Variants in EYS observed in about 807,000 individuals in gnomAD.
The protein encoded by EYS is protein eyes shut homolog.
A neutral mutation model predicts 282.1 loss-of-function variants in EYS; 250 were observed. That is an observed-to-expected ratio of 0.89 (90% CI 0.80 to 0.98). EYS has a LOEUF of 0.98. Ranked by LOEUF, EYS falls within the 50% of genes least tolerant of loss-of-function variation. The probability of loss-of-function intolerance (pLI) is 0.00; values close to 1 mark genes in which losing one functional copy is unlikely to be tolerated. For missense variants in EYS, 4,016 were observed against 3,709.0 expected, an observed-to-expected ratio of 1.08 and a Z score of -2.15; for synonymous variants, 1,355 against 1,282.9, an observed-to-expected ratio of 1.06 and a Z score of -1.20.
chr6:64,512,305 A>C (rs74647395), intron 26 of EYS, among the ~76,000 whole-genome samples: 1,692 of 151,926 alleles, frequency 0.011, 34 homozygotes, highest in East Asian at 0.082. Flanking sequence ...CCAACAAATC[A>C]TGTTGAAAGA....
chr6:65,172,458 G>T (rs9453215), intron 12 of EYS, among the ~76,000 whole-genome samples: 1 of 151,232 alleles, frequency 6.6e-6, no homozygotes, highest in African/African-American at 2.4e-5. Context: ...TGGCCATTCT[G>T]CTTCCTGAAG....
At position 63,958,050 on chromosome 6, in the gene EYS, G is replaced by A. The variant is rs930071860; in HGVS notation, c.7055+26333C>T. Among the ~76,000 whole-genome samples the A allele has an allele frequency of 8.6e-5, 12 of 140,244 alleles. 1 individual carries two copies. Among genetic ancestry groups the A allele is most frequent in the East Asian group, 4.1e-4 (2 of 4,900 alleles). The allele number at this position is 140,244 out of a possible 152,430, so 92.0% of individuals were successfully genotyped here. ...ATTCAAGAACAAGAATTTTCAAGAC[G>A]TTTATAGATAGATGTTTATATAATC... On this transcript the variant is annotated intron_variant, in intron 35 of 42. Coordinates refer to ENST00000503581, the MANE Select transcript of EYS (RefSeq NM_001142800.2).
chr6:64,962,093 C>T (rs1177335264), intron 14 of EYS, among the ~76,000 whole-genome samples: 1 of 152,068 alleles, frequency 6.6e-6, no homozygotes, highest in Non-Finnish European at 1.5e-5. Context: ...TTTGTCACTA[C>T]TTCTTCAGCT....
intron 12 of EYS, among the ~76,000 whole-genome samples, chr6:65,277,790 G>A (rs1383249404): frequency 1.3e-5 from 2 of 152,174 alleles, no homozygotes; most frequent in Non-Finnish European, 1.5e-5. Flanking sequence ...GATGTATCAA[G>A]TTAGGAGATT....
At chr6:64,253,827 TC>T (rs66665591) in intron 30 of EYS, among the ~76,000 whole-genome samples, 47,382 of 151,764 alleles carry the variant, frequency 0.31, 7,404 homozygotes, top group East Asian at 0.51. Context: ...ATTCATCTTT[TC>T]TTCCCCCCAA....
chr6:64,196,745 G>GGGGTGGAGGGA lies in EYS; in HGVS notation c.6424+33836_6424+33846dup, dbSNP rs1166513906. Among the ~76,000 whole-genome samples, 7 of 146,416 alleles carry GGGGTGGAGGGA rather than the reference G, an allele frequency of 4.8e-5. No homozygotes were observed. In the East Asian group the frequency reaches 1.4e-3, roughly 30 times the overall value. Reference sequence around the variant, plus strand: ...AACATCACACTCTGGGGACTGTGGTGGGGTGGAGGGAGGGGGGAGGGATAG... The same window carrying GGGGTGGAGGGA: ...AACATCACACTCTGGGGACTGTGGTGGGGTGGAGGGAGGGTGGAGGGAGGGGGGAGGGATAG... On this transcript the variant is annotated intron_variant, in intron 31 of 42. Coordinates refer to ENST00000503581, the MANE Select transcript of EYS (RefSeq NM_001142800.2).
chr6:65,630,433 A>C (rs1766870205), intron 2 of EYS, among the ~76,000 whole-genome samples: 1 of 152,228 alleles, frequency 6.6e-6, no homozygotes, highest in Admixed American at 6.5e-5. Context: ...ATATTTTCTT[A>C]ATAGAGCATT....
At chr6:64,361,897 G>A (rs1011853903) in intron 29 of EYS, among the ~76,000 whole-genome samples, 2 of 151,774 alleles carry the variant, frequency 1.3e-5, no homozygotes, top group African/African-American at 2.4e-5. Context: ...CTATTATTAT[G>A]TCATTTAAGC....
At chr6:64,703,429 A>ATAT (rs869208549) in intron 22 of EYS, among the ~76,000 whole-genome samples, 18 of 23,360 alleles carry the variant, frequency 7.7e-4, no homozygotes, top group East Asian at 4.1e-3. Flanking sequence ...ATATATATAT[A>ATAT]TTTTTTTTTT....
chr6:64,182,765 C>T (rs539730129), intron 31 of EYS, among the ~76,000 whole-genome samples: 170 of 152,234 alleles, frequency 1.1e-3, no homozygotes, highest in Non-Finnish European at 1.8e-3. Flanking sequence ...GAATTCACTT[C>T]TTTCTACTCA....
intron 1 of EYS, among the ~76,000 whole-genome samples, chr6:65,694,797 T>C (rs2149847215): frequency 6.6e-6 from 1 of 151,810 alleles, no homozygotes; most frequent in Middle Eastern, 3.4e-3. Context: ...TGTCCATAGT[T>C]TGCTCTGCTA....
intron 31 of EYS, among the ~76,000 whole-genome samples, chr6:64,202,378 C>G (rs905283352): frequency 2.0e-5 from 3 of 152,170 alleles, no homozygotes; most frequent in African/African-American, 7.2e-5. Flanking sequence ...CATCACCACT[C>G]AACCAAAGAC....
intron 14 of EYS, among the ~76,000 whole-genome samples, chr6:64,994,195 T>A (rs1771171947): frequency 6.6e-6 from 1 of 152,000 alleles, no homozygotes. Context: ...ATGCTAGACT[T>A]TCAAAAGATT....
At chr6:65,669,150 C>A (rs1258839175) in intron 1 of EYS, among the ~76,000 whole-genome samples, 1 of 151,882 alleles carries the variant, frequency 6.6e-6, no homozygotes, top group Non-Finnish European at 1.5e-5. Flanking sequence ...TCTCATTTTG[C>A]AATAAAACTT....
At chr6:63,859,568 A>G (rs379412) in intron 36 of EYS, among the ~76,000 whole-genome samples, 150,486 of 151,680 alleles carry the variant, frequency 0.99, 74,667 homozygotes, top group Middle Eastern at 1. Context: ...GAATGGTGTG[A>G]TTAAGAAAAC....
rs1360791992 is a variant in EYS, at chr6:65,086,288, C to T, written c.2024-28561G>A. Among the ~76,000 whole-genome samples the T allele has an allele frequency of 2.0e-5, 3 of 151,906 alleles. No homozygotes were observed. The East Asian group carries it at 5.8e-4, about 29-fold the overall frequency. ...CCGAGATTGTGCCATTGCACTCCAG[C>T]CTAAGCGTCAGAGTGAGACTCCATC... On this transcript the variant is annotated intron_variant, in intron 12 of 42. Transcript: ENST00000503581.
chr6:65,648,359 A>G (rs56361312), intron 1 of EYS, among the ~76,000 whole-genome samples: 59,860 of 150,360 alleles, frequency 0.4, 14,414 homozygotes, highest in East Asian at 0.53. Flanking sequence ...TGTATACCAT[A>G]GAATACTACA....
intron 30 of EYS, among the ~76,000 whole-genome samples, chr6:64,260,110 G>C (rs78297604): frequency 0.013 from 2,018 of 150,832 alleles, 30 homozygotes; most frequent in East Asian, 0.046. Flanking sequence ...GTGAAATGCT[G>C]AGAAGTGTTC....
At chr6:65,691,145 A>G (rs922529825) in intron 1 of EYS, among the ~76,000 whole-genome samples, 1 of 150,236 alleles carries the variant, frequency 6.7e-6, no homozygotes, top group Non-Finnish European at 1.5e-5. Context: ...TAGATCCTTG[A>G]GAAATCGCCA....
Sources: gnomAD v4.1 joint callset for allele counts (sites outside exome capture counted in the v4.1 genomes callset) on GRCh38, gnomAD v4.1.1 for gene constraint, MANE v1.5 for transcripts, NCBI Gene and HGNC (gene_info 2026-07-23, HGNC 2026-07-21) for gene names.